The following LMF1 variants were observed in gnomAD, a reference collection of about 807,000 sequenced individuals.
LMF1 encodes the protein transmembrane protein 112.
A neutral mutation model predicts 60.6 loss-of-function variants in LMF1; 68 were observed. The observed-to-expected ratio is 1.12, with a 90% CI of 0.92 to 1.37. LMF1 has a LOEUF of 1.37. LMF1 is among the 40% of genes most tolerant of loss of function. LMF1 has a pLI of 0.00. For missense variants in LMF1, 948 were observed against 767.2 expected, an observed-to-expected ratio of 1.24 and a Z score of -2.78; for synonymous variants, 418 against 324.7, an observed-to-expected ratio of 1.29 and a Z score of -3.09.
At position 854,232 on chromosome 16, in the gene LMF1, T is replaced by G. The variant is rs1268890158; in HGVS notation, c.*300A>C. 1 of 606,620 alleles carries G rather than the reference T, an allele frequency of 1.6e-6. No individual in the cohort carries two copies. Among genetic ancestry groups the G allele is most frequent in the Admixed American group, 2.1e-5 (1 of 46,848 alleles). 37.6% of individuals were successfully genotyped at this position (606,620 alleles called of 1,614,324 possible). A position where few individuals can be genotyped will look rare whatever the true frequency, so the allele number is the denominator to read the frequency against. On this transcript the variant is annotated 3_prime_UTR_variant, in exon 11 of 11. Transcript: ENST00000262301. ...AGGATGGCCATTGTCTCAACTCCTGTGGGCGGCACAGCCCCAGGCTGGGCC... is the reference window on the plus strand; with the variant it reads ...AGGATGGCCATTGTCTCAACTCCTGGGGGCGGCACAGCCCCAGGCTGGGCC...
At chr16:959,529 G>C (rs1296258588) in intron 1 of LMF1, among the ~76,000 whole-genome samples, 1 of 152,156 alleles carries the variant, frequency 6.6e-6, no homozygotes, top group Non-Finnish European at 1.5e-5. Context: ...ACAAACTATT[G>C]GGGGAAGACC....
intron 4 of LMF1, among the ~76,000 whole-genome samples, chr16:908,128 G>C (rs2071016150): frequency 6.6e-6 from 1 of 152,182 alleles, no homozygotes; most frequent in Non-Finnish European, 1.5e-5. Context: ...CCACATCTGT[G>C]CATATTCAAG....
Position 871,153 on chromosome 16 carries a change from C to A in LMF1, c.1078+8G>T. Reference sequence around the variant, plus strand: ...CCTTGGGCAGGGGCCCCCAGCTGAGCCACCTACCGAATCTGGGCTCGGGCC... The same window carrying A: ...CCTTGGGCAGGGGCCCCCAGCTGAGACACCTACCGAATCTGGGCTCGGGCC... On this transcript the variant is annotated splice_region_variant and intron_variant, in intron 7 of 10. Coordinates refer to ENST00000262301, the MANE Select transcript of LMF1 (RefSeq NM_022773.4). 1 of 1,572,650 alleles carries A rather than the reference C, an allele frequency of 6.4e-7. No individual in the cohort carries two copies. The highest frequency in any genetic ancestry group is 8.6e-7 in the Non-Finnish European group (1 of 1,159,366).
At chr16:863,904 C>G (rs1022744127) in intron 10 of LMF1, among the ~76,000 whole-genome samples, 1 of 152,198 alleles carries the variant, frequency 6.6e-6, no homozygotes, top group African/African-American at 2.4e-5. Context: ...TAACTACATC[C>G]CAGAAAATGT....
chr16:937,303 GTTC>G (rs1288730817), intron 2 of LMF1, among the ~76,000 whole-genome samples: 1 of 152,240 alleles, frequency 6.6e-6, no homozygotes, highest in African/African-American at 2.4e-5. Context: ...ACTCCGTGGA[GTTC>G]TTCTGGGTTT....
intron 10 of LMF1, among the ~76,000 whole-genome samples, chr16:868,662 G>C (rs1391693563): frequency 6.6e-6 from 1 of 151,964 alleles, no homozygotes; most frequent in Non-Finnish European, 1.5e-5. Context: ...CTGTGAGCCG[G>C]GGTCACCCTG....
At chr16:947,472 G>A in intron 2 of LMF1, 1 of 456,052 alleles carries the variant, frequency 2.2e-6, no homozygotes, top group Non-Finnish European at 4.4e-6. Flanking sequence ...GTGTCCCTGG[G>A]TGCTGGCGGC....
chr16:931,952 G>C (rs993988659), intron 3 of LMF1, among the ~76,000 whole-genome samples: 5 of 152,228 alleles, frequency 3.3e-5, no homozygotes, highest in Admixed American at 1.3e-4. Flanking sequence ...AAAACACCCA[G>C]GGAGACACAA....
chr16:904,148 G>A (rs71382287), intron 4 of LMF1: 8 of 93,054 alleles, frequency 8.6e-5, no homozygotes, highest in South Asian at 3.5e-4. Context: ...TCTGCTGCGT[G>A]GTGGTGACCT....
chr16:933,977 G>A, intron 3 of LMF1: 8 of 1,446,982 alleles, frequency 5.5e-6, no homozygotes, highest in Middle Eastern at 2.5e-4. Context: ...CCAGGGAAGC[G>A]GTGGTAATCA....
chr16:955,421 C>A (rs1268326234), intron 1 of LMF1, among the ~76,000 whole-genome samples: 1 of 143,178 alleles, frequency 7.0e-6, no homozygotes, highest in South Asian at 2.2e-4. Context: ...TGTAAGTGAA[C>A]CAGACACGTT....
At chr16:947,880 CGACAGAGTTAGAGACAAT>C (rs2072280134) in intron 2 of LMF1, among the ~76,000 whole-genome samples, 3 of 148,806 alleles carry the variant, frequency 2.0e-5, no homozygotes, top group African/African-American at 7.5e-5. Flanking sequence ...AGTCAGCCAA[CGACAGAGTTAGAGACAAT>C]GACAGAGTCA....
At chr16:855,687 C>A (rs1020467907) in intron 10 of LMF1, 3 of 455,724 alleles carry the variant, frequency 6.6e-6, no homozygotes, top group Middle Eastern at 3.3e-4. Context: ...TGGGCCCCAG[C>A]TGCCCGGTGG....
At chr16:954,771 A>G in intron 1 of LMF1, 105 bp from the exon 2 acceptor site, 2 of 1,069,222 alleles carry the variant, frequency 1.9e-6, no homozygotes, top group South Asian at 1.6e-5. Context: ...AAGGGGAGGC[A>G]GAGTCTGGCT....
At chr16:868,833 G>A (rs915292137) in intron 10 of LMF1, 111 bp downstream of exon 10, 47 of 726,704 alleles carry the variant, frequency 6.5e-5, no homozygotes, top group Non-Finnish European at 1.1e-4. Context: ...TCTGCGGGAG[G>A]GAAGGGGCGC....
At chr16:922,891 C>T (rs561162160) in intron 3 of LMF1, among the ~76,000 whole-genome samples, 4 of 116,180 alleles carry the variant, frequency 3.4e-5, no homozygotes, top group Non-Finnish European at 6.6e-5. Context: ...CGTGTTGTTG[C>T]GAAGGCCCTG....
chr16:909,653 T>A (rs2071057388), intron 4 of LMF1, among the ~76,000 whole-genome samples: 1 of 152,084 alleles, frequency 6.6e-6, no homozygotes, highest in African/African-American at 2.4e-5. Flanking sequence ...CCAAACCACG[T>A]GGAGTCATCG....
At chr16:888,311 A>G (rs2070372677) in intron 5 of LMF1, among the ~76,000 whole-genome samples, 1 of 152,188 alleles carries the variant, frequency 6.6e-6, no homozygotes. Context: ...GGACTGAATC[A>G]GAGTGTTGGA....
chr16:872,186 G>A (rs2069818194), intron 6 of LMF1: 1 of 152,230 alleles, frequency 6.6e-6, no homozygotes, highest in African/African-American at 2.4e-5. Context: ...CCCTGCATGG[G>A]TGATGGTCTG....
Sources: gnomAD v4.1 joint callset for allele counts (sites outside exome capture counted in the v4.1 genomes callset) on GRCh38, gnomAD v4.1.1 for gene constraint, MANE v1.5 for transcripts, NCBI Gene and HGNC (gene_info 2026-07-23, HGNC 2026-07-21) for gene names.